Variants in VAV3 observed in about 807,000 individuals in gnomAD.
VAV3 encodes the protein vav guanine nucleotide exchange factor 3.
VAV3 carries 94 observed loss-of-function variants against 131.2 expected under a neutral mutation model. The ratio of observed to expected loss-of-function variants is 0.72; its 90% CI spans 0.61 to 0.85. The LOEUF is 0.85. Among genes scored for constraint, VAV3 ranks in the 40% least tolerant of loss-of-function variants. VAV3 has a pLI of 0.00. For missense variants in VAV3, 939 were observed against 1,002.7 expected (o/e 0.94, Z 0.86); for synonymous variants, 349 against 342.0 (o/e 1.02, Z -0.22).
chr1:107,766,981 T>G (rs1664767653), intron 7 of VAV3, among the ~76,000 whole-genome samples: 1 of 152,228 alleles, frequency 6.6e-6, no homozygotes, highest in South Asian at 2.1e-4. Flanking sequence ...ATGTATAGCT[T>G]ATTTTTGTTT....
intron 1 of VAV3, among the ~76,000 whole-genome samples, chr1:107,900,977 A>G (rs767952759): frequency 3.9e-5 from 6 of 152,212 alleles, no homozygotes; most frequent in Non-Finnish European, 8.8e-5. Flanking sequence ...AAAGAGACTC[A>G]GTAATAACTG....
intron 1 of VAV3, among the ~76,000 whole-genome samples, chr1:107,880,076 T>A (rs955742985): frequency 3.3e-5 from 5 of 152,192 alleles, no homozygotes; most frequent in Non-Finnish European, 5.9e-5. Flanking sequence ...CTCAAAGGCT[T>A]ATTATAGTGA....
At position 107,755,465 on chromosome 1, in the gene VAV3, G is replaced by A. The variant is rs771896813; in HGVS notation, c.1135C>T (p.Arg379Cys). 35 of 1,613,476 alleles carry A rather than the reference G, an allele frequency of 2.2e-5. No individual in the cohort carries two copies. Among genetic ancestry groups the A allele is most frequent in the East Asian group, 6.7e-5 (3 of 44,870 alleles). ...GATAGCTGAAACTGTTTAATTTCAC[G>A]AAGGGTCTCATTATCTCTTTTCACT... ...NEVKRDNETL[R>C]EIKQFQLSIE... The change falls in exon 12 of 27, where the codon CGT (arginine) becomes TGT (cysteine). Residue 379 changes from arginine to cysteine, a missense_variant. Arg to Cys is a radical substitution (Grantham distance 180). Transcript: ENST00000370056.
At chr1:107,614,492 T>C (rs1326072400) in intron 21 of VAV3, among the ~76,000 whole-genome samples, 1 of 151,956 alleles carries the variant, frequency 6.6e-6, no homozygotes, top group African/African-American at 2.4e-5. Context: ...AAAAAAAATC[T>C]ATAATTTCAT....
intron 1 of VAV3, among the ~76,000 whole-genome samples, chr1:107,962,069 A>G (rs1005125843): frequency 2.0e-5 from 3 of 152,246 alleles, no homozygotes; most frequent in African/African-American, 4.8e-5. Context: ...ATATGTCACA[A>G]AAGTCAGAAG....
chr1:107,603,247 AT>A, intron 22 of VAV3, 84 bp from the exon 23 acceptor site: 1 of 969,490 alleles, frequency 1.0e-6, no homozygotes, highest in Non-Finnish European at 1.6e-6. Flanking sequence ...TCAATATTTA[AT>A]TTAGTGGCAG....
intron 3 of VAV3, chr1:107,777,529 C>T: frequency 1.8e-6 from 1 of 558,666 alleles, no homozygotes; most frequent in Non-Finnish European, 3.2e-6. Flanking sequence ...TCATCTGAAG[C>T]AATTACAGCT....
chr1:107,585,243 TATAA>T (rs900593037), intron 25 of VAV3, among the ~76,000 whole-genome samples: 36 of 152,320 alleles, frequency 2.4e-4, no homozygotes, highest in African/African-American at 8.2e-4. Context: ...ACCCTCAAAA[TATAA>T]ATATAGTCAC....
chr1:107,638,465 T>C lies in VAV3; in HGVS notation c.1914+4154A>G, dbSNP rs1414233945. 3.3e-5 allele frequency among the ~76,000 whole-genome samples: 5 copies of C among 152,274 alleles called. No homozygotes were observed. The South Asian group carries it at 8.3e-4, about 25-fold the overall frequency. On this transcript the variant is annotated intron_variant, in intron 20 of 26. Coordinates refer to ENST00000370056, the MANE Select transcript of VAV3 (RefSeq NM_006113.5). ...AAATGAAATATGAAATAATTACAGA[T>C]AAATATGACAAAAGATGTATATGAC...
At chr1:107,954,762 C>G (rs1674721305) in intron 1 of VAV3, among the ~76,000 whole-genome samples, 1 of 133,004 alleles carries the variant, frequency 7.5e-6, no homozygotes, top group African/African-American at 3.6e-5. Flanking sequence ...AGGAAAATAC[C>G]ATGGGAGGGG....
At chr1:107,827,597 G>A (rs1360009199) in intron 2 of VAV3, among the ~76,000 whole-genome samples, 5 of 152,136 alleles carry the variant, frequency 3.3e-5, no homozygotes, top group Non-Finnish European at 1.5e-5. Flanking sequence ...CATTTAACTC[G>A]ATCAAGGACC....
At chr1:107,680,781 C>A (rs1170993113) in intron 19 of VAV3, among the ~76,000 whole-genome samples, 1 of 152,124 alleles carries the variant, frequency 6.6e-6, no homozygotes, top group African/African-American at 2.4e-5. Flanking sequence ...TTTCCTTTTA[C>A]AAATGAGGAA....
At chr1:107,677,286 A>G (rs977344070) in intron 19 of VAV3, among the ~76,000 whole-genome samples, 1 of 152,124 alleles carries the variant, frequency 6.6e-6, no homozygotes, top group Admixed American at 6.5e-5. Flanking sequence ...AATCAATTGG[A>G]TATCATTTGC....
At chr1:107,954,146 A>G (rs951894578) in intron 1 of VAV3, among the ~76,000 whole-genome samples, 3 of 152,374 alleles carry the variant, frequency 2.0e-5, no homozygotes, top group South Asian at 2.1e-4. Flanking sequence ...GATGAAAAAC[A>G]TGATAAAATA....
At chr1:107,701,200 T>C (rs1256658472) in intron 17 of VAV3, among the ~76,000 whole-genome samples, 1 of 152,248 alleles carries the variant, frequency 6.6e-6, no homozygotes, top group Admixed American at 6.5e-5. Context: ...ACTCTGGTTA[T>C]TAGATCTTTG....
Position 107,803,587 on chromosome 1 carries a change from A to T in VAV3, c.322-24095T>A, listed in dbSNP as rs1258396496. On this transcript the variant is annotated intron_variant, in intron 2 of 26. Coordinates refer to ENST00000370056, the MANE Select transcript of VAV3 (RefSeq NM_006113.5). ...GAGGTTCTTCTTGTGATTGATTTCT[A>T]GTTTTATTTCATTGTGGTAAAAAAA... Among the ~76,000 whole-genome samples the T allele has an allele frequency of 2.0e-5, 3 of 152,064 alleles. No homozygotes were observed. In the East Asian group the frequency reaches 5.8e-4, roughly 29 times the overall value.
At chr1:107,874,548 T>C (rs1438566154) in intron 2 of VAV3, among the ~76,000 whole-genome samples, 1 of 152,162 alleles carries the variant, frequency 6.6e-6, no homozygotes, top group Non-Finnish European at 1.5e-5. Flanking sequence ...GAGTGCCCAG[T>C]GATCAACCTA....
intron 17 of VAV3, among the ~76,000 whole-genome samples, chr1:107,695,999 C>T (rs1311055103): frequency 1.3e-5 from 2 of 152,094 alleles, no homozygotes; most frequent in Non-Finnish European, 2.9e-5. Context: ...AGATAGCATG[C>T]TCCCCCTCTT....
intron 19 of VAV3, among the ~76,000 whole-genome samples, chr1:107,659,279 G>GA (rs564640292): frequency 2.0e-3 from 288 of 146,830 alleles, no homozygotes; most frequent in Middle Eastern, 7.0e-3. Context: ...CCATCTTTCA[G>GA]AAAAAAAAAA....
Sources: allele counts gnomAD v4.1 joint callset (sites outside exome capture counted in the v4.1 genomes callset), GRCh38; gene constraint gnomAD v4.1.1; transcripts MANE v1.5; gene names NCBI Gene and HGNC (gene_info 2026-07-23, HGNC 2026-07-21).